SORCS3: variants seen among roughly 807,000 people sequenced by gnomAD.
The protein encoded by SORCS3 is sortilin related VPS10 domain containing receptor 3.
SORCS3 carries 57 observed loss-of-function variants against 146.3 expected under a neutral mutation model. The ratio of observed to expected loss-of-function variants is 0.39; its 90% CI spans 0.31 to 0.49. SORCS3 has a LOEUF of 0.49. SORCS3 is among the 20% of genes least tolerant of loss of function. The probability of loss-of-function intolerance (pLI) is 0.92; values close to 1 mark genes in which losing one functional copy is unlikely to be tolerated. For synonymous variants in SORCS3, 653 were observed against 618.5 expected, an observed-to-expected ratio of 1.06 and a Z score of -0.83; for missense variants, 1,341 against 1,575.5, an observed-to-expected ratio of 0.85 and a Z score of 2.52.
chr10:105,007,234 C>G (rs1175537376), intron 4 of SORCS3, among the ~76,000 whole-genome samples: 1 of 152,138 alleles, frequency 6.6e-6, no homozygotes, highest in Non-Finnish European at 1.5e-5. Flanking sequence ...TTGTGCAGCC[C>G]TGTGTTCAGT....
intron 1 of SORCS3, among the ~76,000 whole-genome samples, chr10:104,827,945 C>G (rs2017956681): frequency 6.6e-6 from 1 of 152,192 alleles, no homozygotes; most frequent in Admixed American, 6.5e-5. Flanking sequence ...TCTTCTGAAG[C>G]TTACCTCTCT....
At chr10:104,781,254 G>A (rs2017370908) in intron 1 of SORCS3, among the ~76,000 whole-genome samples, 4 of 152,234 alleles carry the variant, frequency 2.6e-5, no homozygotes, top group Admixed American at 2.6e-4. Context: ...GCTTGTTTAT[G>A]TCATATAGCT....
intron 3 of SORCS3, 21 bp from the exon 4 acceptor site, chr10:104,977,314 G>A: frequency 1.3e-6 from 2 of 1,588,838 alleles, no homozygotes; most frequent in Non-Finnish European, 1.7e-6. Flanking sequence ...GTCTGTATAT[G>A]TCCCTCTATC....
At chr10:104,924,691 C>T (rs2019121565) in intron 3 of SORCS3, among the ~76,000 whole-genome samples, 1 of 152,172 alleles carries the variant, frequency 6.6e-6, no homozygotes, top group Admixed American at 6.5e-5. Context: ...CTGTTAACTA[C>T]CTGTATGGCA....
chr10:104,659,553 G>A (rs1428474587), intron 1 of SORCS3, among the ~76,000 whole-genome samples: 1 of 152,176 alleles, frequency 6.6e-6, no homozygotes, highest in Non-Finnish European at 1.5e-5. Flanking sequence ...GATTCCTTTA[G>A]GTGGAAGAGT....
At chr10:104,734,936 T>A (rs901748001) in intron 1 of SORCS3, among the ~76,000 whole-genome samples, 2 of 152,246 alleles carry the variant, frequency 1.3e-5, no homozygotes, top group Admixed American at 6.5e-5. Flanking sequence ...GGGCCTGTTA[T>A]TAACTTATTA....
intron 1 of SORCS3, among the ~76,000 whole-genome samples, chr10:104,686,548 G>A (rs912106670): frequency 5.3e-5 from 8 of 152,162 alleles, no homozygotes; most frequent in Admixed American, 5.2e-4. Context: ...TCTACTCTGA[G>A]GTAATAGCCA....
chr10:104,935,285 A>G (rs1235302218), intron 3 of SORCS3, among the ~76,000 whole-genome samples: 1 of 152,074 alleles, frequency 6.6e-6, no homozygotes, highest in Non-Finnish European at 1.5e-5. Context: ...GACCCACTGA[A>G]CTCTATTGAG....
At chr10:105,262,846 T>G (rs2056970068) in intron 26 of SORCS3, among the ~76,000 whole-genome samples, 1 of 152,240 alleles carries the variant, frequency 6.6e-6, no homozygotes, top group Non-Finnish European at 1.5e-5. Flanking sequence ...TGGATCCATT[T>G]TTCTTGCTCT....
At chr10:104,957,854 C>T (rs1446047866) in intron 3 of SORCS3, among the ~76,000 whole-genome samples, 3 of 152,122 alleles carry the variant, frequency 2.0e-5, no homozygotes, top group African/African-American at 7.2e-5. Context: ...GTCCCCTCCT[C>T]TTCTGCGTCA....
In SORCS3 at chr10:104,735,180, C is replaced by T. The variant is rs1263798606; in HGVS notation, c.627+93226C>T. 2.6e-5 allele frequency among the ~76,000 whole-genome samples: 4 copies of T among 152,258 alleles called. No homozygotes were observed. In the East Asian group the frequency reaches 5.8e-4, roughly 22 times the overall value. On this transcript the variant is annotated intron_variant, in intron 1 of 26. Coordinates refer to ENST00000369701, the MANE Select transcript of SORCS3 (RefSeq NM_014978.3). ...CGTGGCTCTCCTGCCTGGTGACTGT[C>T]GGCTGGGCAGGGGGCCGGGCTGCTC...
intron 1 of SORCS3, among the ~76,000 whole-genome samples, chr10:104,830,713 G>C (rs2017990976): frequency 6.6e-6 from 1 of 152,230 alleles, no homozygotes; most frequent in South Asian, 2.1e-4. Flanking sequence ...TGTGGGGTGA[G>C]AGTAAACAGC....
chr10:104,764,683 G>A (rs532903529), intron 1 of SORCS3, among the ~76,000 whole-genome samples: 1 of 152,246 alleles, frequency 6.6e-6, no homozygotes, highest in Admixed American at 6.5e-5. Flanking sequence ...GCACTACATT[G>A]CCTGGTCCAT....
At chr10:104,802,020 A>C (rs1320391387) in intron 1 of SORCS3, among the ~76,000 whole-genome samples, 1 of 152,082 alleles carries the variant, frequency 6.6e-6, no homozygotes, top group Non-Finnish European at 1.5e-5. Flanking sequence ...TTCTCTTTTT[A>C]CTTTATTATA....
intron 1 of SORCS3, among the ~76,000 whole-genome samples, chr10:104,807,783 T>C (rs1018599069): frequency 2.0e-5 from 3 of 152,212 alleles, no homozygotes; most frequent in African/African-American, 7.2e-5. Flanking sequence ...GATGGATTTA[T>C]AGCGATGATT....
rs555201645 is a variant in SORCS3 at position 104,923,383 on chromosome 10, T to G, written c.795+7451T>G. Among the ~76,000 whole-genome samples the G allele has an allele frequency of 9.2e-5, 14 of 152,322 alleles. No homozygotes were observed. In the South Asian group the frequency reaches 1.7e-3, roughly 18 times the overall value. On this transcript the variant is annotated intron_variant, in intron 3 of 26. Coordinates refer to ENST00000369701, the MANE Select transcript of SORCS3 (RefSeq NM_014978.3). Reference sequence around the variant, plus strand: ...CATAGCTCTTAGTTATATGACTACATGTTGGCTGGCCAAGCCCTGTTACCT... The same window carrying G: ...CATAGCTCTTAGTTATATGACTACAGGTTGGCTGGCCAAGCCCTGTTACCT...
chr10:105,006,299 A>G (rs2055095137), intron 4 of SORCS3, among the ~76,000 whole-genome samples: 1 of 152,070 alleles, frequency 6.6e-6, no homozygotes, highest in Admixed American at 6.6e-5. Flanking sequence ...TCTTCATTTC[A>G]TACCCTGCAA....
chr10:105,034,968 C>T (rs78758269), intron 4 of SORCS3, among the ~76,000 whole-genome samples: 1,885 of 152,270 alleles, frequency 0.012, 23 homozygotes, highest in African/African-American at 0.033. Context: ...CTTGTAGTCA[C>T]CCTGCACAAA....
At chr10:104,977,730 C>CTTTTCT (rs1310226321) in intron 4 of SORCS3, among the ~76,000 whole-genome samples, 1 of 122,914 alleles carries the variant, frequency 8.1e-6, no homozygotes, top group Non-Finnish European at 1.7e-5. Context: ...CTTTTCTTTT[C>CTTTTCT]TTTTTTTTTT....
Sources: gnomAD v4.1 joint callset for allele counts (sites outside exome capture counted in the v4.1 genomes callset) on GRCh38, gnomAD v4.1.1 for gene constraint, MANE v1.5 for transcripts, NCBI Gene and HGNC (gene_info 2026-07-23, HGNC 2026-07-21) for gene names.